Variants in SLC45A4 observed in about 807,000 individuals in gnomAD.
SLC45A4 encodes the protein solute carrier family 45 member 4.
SLC45A4 carries 32 observed loss-of-function variants against 63.7 expected under a neutral mutation model. That is an observed-to-expected ratio of 0.50 (90% CI 0.38 to 0.67). The LOEUF (loss-of-function observed/expected upper bound fraction) is 0.67, where lower values mean the gene tolerates loss of function less well. Ranked by LOEUF, SLC45A4 falls within the 30% of genes least tolerant of loss-of-function variation. The pLI is 0.00. For missense variants in SLC45A4, 1,027 were observed against 1,157.7 expected (o/e 0.89, Z 1.64); for synonymous variants, 535 against 510.0 (o/e 1.05, Z -0.66).
At chr8:141,224,648 T>C (rs11785840) in intron 2 of SLC45A4, 70,668 of 152,276 alleles carry the variant, frequency 0.46, 16,881 homozygotes, top group South Asian at 0.54. Context: ...GACAGGGTTT[T>C]GCCATGCTGG....
chr8:141,297,738 G>A (rs917625958), intron 1 of SLC45A4, among the ~76,000 whole-genome samples: 1 of 152,192 alleles, frequency 6.6e-6, no homozygotes, highest in African/African-American at 2.4e-5. Flanking sequence ...ATGGCAAAAT[G>A]CTTTCTTCTT....
intron 2 of SLC45A4, among the ~76,000 whole-genome samples, chr8:141,245,511 C>G (rs911189157): frequency 6.6e-6 from 1 of 152,176 alleles, no homozygotes; most frequent in African/African-American, 2.4e-5. Flanking sequence ...CTTGCCTCCC[C>G]CAGGGCTGAC....
At chr8:141,263,086 C>T (rs552571973) in intron 1 of SLC45A4, among the ~76,000 whole-genome samples, 1 of 151,622 alleles carries the variant, frequency 6.6e-6, no homozygotes, top group African/African-American at 2.4e-5. Flanking sequence ...AAACTGGAAA[C>T]CATCATTCTC....
At chr8:141,299,290 C>T (rs918413968) in intron 1 of SLC45A4, among the ~76,000 whole-genome samples, 1 of 152,234 alleles carries the variant, frequency 6.6e-6, no homozygotes, top group Admixed American at 6.5e-5. Context: ...AAGGAGAAAG[C>T]GGACGGGGAG....
chr8:141,292,186 A>T (rs1038474898), intron 1 of SLC45A4, among the ~76,000 whole-genome samples: 1 of 152,254 alleles, frequency 6.6e-6, no homozygotes, highest in African/African-American at 2.4e-5. Context: ...AACCTGGGGC[A>T]GGTTCTCACA....
rs1826449611 is a variant in SLC45A4 at position 141,219,561 on chromosome 8, G to A, written c.610+89C>T. 4.2e-6 allele frequency: 6 copies of A among 1,436,776 alleles called. No individual in the cohort carries two copies. In the South Asian group the frequency reaches 6.8e-5, roughly 16 times the overall value. 89.0% of individuals were successfully genotyped at this position (1,436,776 alleles called of 1,614,324 possible). On this transcript the variant is annotated intron_variant, in intron 4 of 8. Coordinates refer to ENST00000517878, the MANE Select transcript of SLC45A4 (RefSeq NM_001286646.2). ...ACCCTCCATGCAGCCTGATGAGGCA[G>A]CGCTGACAACACAGGCTCCTGTCCC...
intron 3 of SLC45A4, 72 bp downstream of exon 3, chr8:141,221,505 A>C: frequency 6.6e-7 from 1 of 1,515,226 alleles, no homozygotes; most frequent in Non-Finnish European, 8.9e-7. Flanking sequence ...TTCAGCTTTT[A>C]ATGAGAGGAG....
chr8:141,247,240 T>C (rs1156414178), intron 2 of SLC45A4, among the ~76,000 whole-genome samples: 1 of 96,256 alleles, frequency 1.0e-5, no homozygotes, highest in Non-Finnish European at 2.9e-5. Flanking sequence ...AGGTATAAGG[T>C]CAATATATAA....
chr8:141,265,399 G>A (rs1307244408), intron 1 of SLC45A4, among the ~76,000 whole-genome samples: 1 of 152,224 alleles, frequency 6.6e-6, no homozygotes, highest in Non-Finnish European at 1.5e-5. Context: ...TGCAGGGAGG[G>A]GCTGGGTGCC....
chr8:141,232,847 C>T (rs918547864), intron 2 of SLC45A4, among the ~76,000 whole-genome samples: 15 of 152,354 alleles, frequency 9.8e-5, no homozygotes, highest in Middle Eastern at 3.4e-3. Context: ...CAATGGCTCC[C>T]GGGTGAACGC....
At chr8:141,223,774 C>T (rs1826805277) in intron 2 of SLC45A4, among the ~76,000 whole-genome samples, 1 of 152,248 alleles carries the variant, frequency 6.6e-6, no homozygotes, top group Non-Finnish European at 1.5e-5. Flanking sequence ...CGGCCACCCA[C>T]ATGCACTCAC....
chr8:141,304,033 CTG>C (rs528675695), intron 1 of SLC45A4, among the ~76,000 whole-genome samples: 10 of 152,144 alleles, frequency 6.6e-5, no homozygotes, highest in African/African-American at 2.4e-4. Flanking sequence ...CCGACAGACT[CTG>C]AGAGTGAACT....
At chr8:141,270,150 C>T (rs1219660725) in intron 1 of SLC45A4, among the ~76,000 whole-genome samples, 1 of 152,038 alleles carries the variant, frequency 6.6e-6, no homozygotes, top group Admixed American at 6.6e-5. Flanking sequence ...ACACACGCAG[C>T]GCAGGCACCC....
chr8:141,233,143 C>T (rs1299100613), intron 2 of SLC45A4, among the ~76,000 whole-genome samples: 3 of 152,324 alleles, frequency 2.0e-5, no homozygotes, highest in South Asian at 2.1e-4. Context: ...GATGTGTTAA[C>T]GGCCAGCCCG....
rs1336261984 is a variant in SLC45A4 at position 141,254,958 on chromosome 8, G to A, written c.-400-329C>T. Among the ~76,000 whole-genome samples, 2 of 152,188 alleles carry A rather than the reference G, an allele frequency of 1.3e-5. No individual in the cohort carries two copies. Among genetic ancestry groups the A allele is most frequent in the African/African-American group, 2.4e-5 (1 of 41,432 alleles). ...TCGTCCACCCTGTGTACCACAGCAC[G>A]TAACTATTCCAGCAGGCTGGAGGCA... On this transcript the variant is annotated intron_variant, in intron 1 of 8. Coordinates refer to ENST00000517878, the MANE Select transcript of SLC45A4 (RefSeq NM_001286646.2). This position sits in a 1 kb window ranked among gnomAD's most constrained non-coding sequence, Gnocchi z 4.5.
At position 141,284,932 on chromosome 8, in the gene SLC45A4, C is replaced by T. The variant is rs1422640210; in HGVS notation, c.-401+23164G>A. Among the ~76,000 whole-genome samples, 5 of 152,314 alleles carry T rather than the reference C, an allele frequency of 3.3e-5. 1 individual carries two copies. In the South Asian group the frequency reaches 6.2e-4, roughly 19 times the overall value. On this transcript the variant is annotated intron_variant, in intron 1 of 8. Transcript: ENST00000517878. ...TTAGGAGCTCTGTCCCAAGCGTCCA[C>T]CGTGGCATGCAGAGCCGCCCCACAC...
intron 1 of SLC45A4, among the ~76,000 whole-genome samples, chr8:141,263,579 A>T (rs1331670335): frequency 1.3e-5 from 2 of 151,246 alleles, no homozygotes; most frequent in Non-Finnish European, 3.0e-5. Flanking sequence ...CCTGGTCAAC[A>T]TGGTGAAACC....
At chr8:141,242,254 C>A (rs986645292) in intron 2 of SLC45A4, among the ~76,000 whole-genome samples, 19 of 152,206 alleles carry the variant, frequency 1.2e-4, no homozygotes, top group Non-Finnish European at 2.4e-4. Flanking sequence ...TCAAAAGGCC[C>A]AGAGTCTTCT....
chr8:141,256,251 C>T lies in SLC45A4; in HGVS notation c.-400-1622G>A, dbSNP rs1461988824. ...GAGTTAGGTCTCCAGACATGGGGTT[C>T]GGTTCAACTGAAGTGTTAGAGCCCC... On this transcript the variant is annotated intron_variant, in intron 1 of 8. Coordinates refer to ENST00000517878, the MANE Select transcript of SLC45A4 (RefSeq NM_001286646.2). This position sits in a 1 kb window ranked among gnomAD's most constrained non-coding sequence, Gnocchi z 4.3. 1.3e-5 allele frequency among the ~76,000 whole-genome samples: 2 copies of T among 152,168 alleles called. No homozygotes were observed. Among genetic ancestry groups the T allele is most frequent in the Non-Finnish European group, 2.9e-5 (2 of 68,040 alleles).
Sources: gnomAD v4.1 joint callset for allele counts (sites outside exome capture counted in the v4.1 genomes callset) on GRCh38, gnomAD v4.1.1 for gene constraint, Gnocchi (gnomAD v3.1) non-coding constraint, MANE v1.5 for transcripts, NCBI Gene and HGNC (gene_info 2026-07-23, HGNC 2026-07-21) for gene names.